The following PCNX3 variants were observed in gnomAD, a reference collection of about 807,000 sequenced individuals.
The protein encoded by PCNX3 is pecanex-like protein 3.
A neutral mutation model predicts 207.2 loss-of-function variants in PCNX3; 58 were observed. The ratio of observed to expected loss-of-function variants is 0.28; its 90% CI spans 0.23 to 0.35. The LOEUF is 0.35. PCNX3 is among the 10% of genes least tolerant of loss of function. PCNX3 has a pLI of 1.00. For synonymous variants in PCNX3, 1,337 were observed against 1,183.5 expected (o/e 1.13, Z -2.66); for missense variants, 2,410 against 2,774.4 (o/e 0.87, Z 2.95).
chr11:65,625,553 G>A lies in PCNX3; in HGVS notation c.3135+43G>A, dbSNP rs747814312. 6.8e-5 allele frequency: 107 copies of A among 1,570,058 alleles called. No homozygotes were observed. Among genetic ancestry groups the A allele is most frequent in the South Asian group, 1.9e-4 (17 of 87,644 alleles). On this transcript the variant is annotated intron_variant, in intron 18 of 34. Coordinates refer to ENST00000355703, the MANE Select transcript of PCNX3 (RefSeq NM_032223.4). This position sits in a 1 kb window ranked among gnomAD's most constrained non-coding sequence, Gnocchi z 5.6. ...GGGGGTCTGTGGGGAGGTGGTGACA[G>A]GTCCTGGGGTTCCTGGGAGGGGCAT...
chr11:65,628,834 T>C lies in PCNX3; in HGVS notation c.3827T>C (p.Phe1276Ser). The change falls in exon 24 of 35, where the codon TTC becomes TCC. Residue 1276 changes from phenylalanine (F) to serine (S), a missense_variant. Around this residue, in one of 8 missense-constraint regions of PCNX3, gnomAD observed 420 missense variants for 705.3 expected, o/e 0.60. Coordinates refer to ENST00000355703, the MANE Select transcript of PCNX3 (RefSeq NM_032223.4). ...TGTGGCTCAGACTCGGCCATGCTGT[T>C]CGTCCAGGCCCTGCTCTCGGGGCTC... The part of the protein sequence containing the change: ...PFAVPHSAML[F>S]VQALLSGLFS... 6.2e-7 allele frequency: 1 copy of C among 1,611,912 alleles called. No homozygotes were observed. Among genetic ancestry groups the C allele is most frequent in the Non-Finnish European group, 8.5e-7 (1 of 1,179,778 alleles).
Position 65,625,414 on chromosome 11 carries a change from C to G in PCNX3, c.3039C>G (p.Ile1013Met). The part of the protein sequence containing the change: ...SSDPTVLWSL[I>M]RSKLFPELEE... ...TCTTCCTCACCCCCAGGTCTCTGATCCGGAGCAAGCTGTTCCCTGAGCTGG... is the reference window on the plus strand; with the variant it reads ...TCTTCCTCACCCCCAGGTCTCTGATGCGGAGCAAGCTGTTCCCTGAGCTGG... Residue 1013 changes from isoleucine (I) to methionine (M), a missense_variant, in exon 18 of 35, where the codon ATC (isoleucine) becomes ATG (methionine). Coordinates refer to ENST00000355703, the MANE Select transcript of PCNX3 (RefSeq NM_032223.4). The surrounding 1 kb of genome is among the most constrained non-coding windows in gnomAD (Gnocchi z 5.6). 6.2e-7 allele frequency: 1 copy of G among 1,604,130 alleles called. No homozygotes were observed. The highest frequency in any genetic ancestry group is 8.5e-7 in the Non-Finnish European group (1 of 1,178,610).
At position 65,617,027 on chromosome 11, in the gene PCNX3, G is replaced by A. The variant is rs748986955; in HGVS notation, c.341+16G>A. ...ATCCACCCAGGTGGGTGGGGTAGGG[G>A]CTGTGCTGGGGATTGAGGGTTTTTG... On this transcript the variant is annotated intron_variant, in intron 2 of 34. Transcript: ENST00000355703. 9 of 1,590,336 alleles carry A rather than the reference G, an allele frequency of 5.7e-6. No homozygotes were observed. The East Asian group carries it at 1.8e-4, about 32-fold the overall frequency.
chr11:65,634,038 C>T, intron 27 of PCNX3, 88 bp from the exon 28 acceptor site: 1 of 1,251,942 alleles, frequency 8.0e-7, no homozygotes, highest in South Asian at 1.4e-5. Context: ...TCAGCTCAGT[C>T]TTGGGGAGGA....
In PCNX3 at chr11:65,636,433, C is replaced by G. The variant is rs747072761; in HGVS notation, c.5636C>G (p.Pro1879Arg). The G allele has an allele frequency of 1.3e-6, 2 of 1,554,782 alleles. No homozygotes were observed. The highest frequency in any genetic ancestry group is 4.5e-5 in the East Asian group (2 of 44,386). The change falls in exon 34 of 35, where the codon CCG becomes CGG. Residue 1879 changes from proline (P) to arginine (R), a missense_variant. Transcript: ENST00000355703. ...CTCCCACCAGGCCCTGGCTGGGGGC[C>G]GCGGTCCTCCCTGAGTGGCTCTGGT... ...QPLPPGPGWG[P>R]RSSLSGSGDG...
At chr11:65,628,168 G>A (rs1457939730) in intron 22 of PCNX3, among the ~76,000 whole-genome samples, 1 of 152,112 alleles carries the variant, frequency 6.6e-6, no homozygotes, top group Non-Finnish European at 1.5e-5. Flanking sequence ...CCAGGATGGC[G>A]GTCATCCACA....
chr11:65,624,778 C>A, intron 15 of PCNX3, 147 bp from the exon 16 acceptor site: 1 of 957,808 alleles, frequency 1.0e-6, no homozygotes, highest in Non-Finnish European at 1.5e-6. Context: ...CTCTAAAGGC[C>A]GCTTGGGGCT....
In PCNX3 at chr11:65,619,075, C is replaced by T. The variant is rs1476621466; in HGVS notation, c.1705+8C>T. Reference sequence around the variant, plus strand: ...AAGGTGCTGTGGGGGGAGGTGAGTGCTTGCTCTAGAGGCAGGGGCTGGGGG... The same window carrying T: ...AAGGTGCTGTGGGGGGAGGTGAGTGTTTGCTCTAGAGGCAGGGGCTGGGGG... On this transcript the variant is annotated splice_region_variant and intron_variant, in intron 6 of 34. Coordinates refer to ENST00000355703, the MANE Select transcript of PCNX3 (RefSeq NM_032223.4). 5 of 1,579,132 alleles carry T rather than the reference C, an allele frequency of 3.2e-6. No homozygotes were observed. The African/African-American group carries it at 6.7e-5, about 21-fold the overall frequency.
In PCNX3 at chr11:65,618,441, G is replaced by A. The variant is rs769723710; in HGVS notation, c.1079G>A (p.Arg360His). ...GGGGTCCCCTCAGATGACACGCTGC[G>A]TTCCTTTGACACGGTCATTGGAGCA... ...DAGVPSDDTL[R>H]SFDTVIGAGT... Residue 360 changes from arginine to histidine, a missense_variant, in exon 6 of 35, where the codon CGT (arginine) becomes CAT (histidine). Arg to His is a conservative substitution (Grantham distance 29). This residue lies in a region of PCNX3 where 1,104 missense variants were observed against 970.3 expected (regional missense o/e 1.14). Transcript: ENST00000355703. 20 of 1,611,196 alleles carry A rather than the reference G, an allele frequency of 1.2e-5. No individual in the cohort carries two copies. The African/African-American group carries it at 1.6e-4, about 13-fold the overall frequency.
Position 65,634,922 on chromosome 11 carries a change from C to T in PCNX3, c.4806-51C>T. On this transcript the variant is annotated intron_variant, in intron 29 of 34. Coordinates refer to ENST00000355703, the MANE Select transcript of PCNX3 (RefSeq NM_032223.4). ...GCTTGGATCACTCTGAAGCCTTACCCCTGGGTCCTCGACACCCCTCTCTCC... is the reference window on the plus strand; with the variant it reads ...GCTTGGATCACTCTGAAGCCTTACCTCTGGGTCCTCGACACCCCTCTCTCC... The T allele has an allele frequency of 1.3e-6, 2 of 1,579,978 alleles. 1 individual carries two copies. The highest frequency in any genetic ancestry group is 4.5e-5 in the East Asian group (2 of 44,514).
Position 65,636,856 on chromosome 11 carries a change from C to G in PCNX3, c.5983C>G (p.Pro1995Ala), listed in dbSNP as rs867602607. 1.3e-6 allele frequency: 2 copies of G among 1,551,366 alleles called. No homozygotes were observed. The highest frequency in any genetic ancestry group is 4.9e-5 in the East Asian group (2 of 40,938). Residue 1995 changes from proline (P) to alanine (A), a missense_variant, in exon 35 of 35, where the codon CCT becomes GCT. By Grantham distance (27) the Pro-to-Ala change is conservative. Coordinates refer to ENST00000355703, the MANE Select transcript of PCNX3 (RefSeq NM_032223.4). The stretch of plus-strand genomic sequence containing the variant: ...ACCCCCCAGAGCTTCCCAGGACATT[C>G]CTTGCTTGGACAGCAGTGCCCCTGA... ...ASPPRASQDI[P>A]CLDSSAPESG...
In PCNX3 at chr11:65,629,350, T is replaced by C. The variant is rs773240103; in HGVS notation, c.3942-7T>C. On this transcript the variant is annotated splice_polypyrimidine_tract_variant and splice_region_variant and intron_variant, in intron 24 of 34. Coordinates refer to ENST00000355703, the MANE Select transcript of PCNX3 (RefSeq NM_032223.4). ...GCCAACCGCCTTGTTGCACTCTCTC[T>C]GAACAGCACTAAACGTGTGGATCAT... 1 of 1,609,416 alleles carries C rather than the reference T, an allele frequency of 6.2e-7. No individual in the cohort carries two copies. Among genetic ancestry groups the C allele is most frequent in the South Asian group, 1.1e-5 (1 of 90,048 alleles).
chr11:65,629,946 A>C (rs934775167), intron 26 of PCNX3, among the ~76,000 whole-genome samples: 1 of 152,170 alleles, frequency 6.6e-6, no homozygotes, highest in East Asian at 1.9e-4. Context: ...GCCTGCCCCA[A>C]CTTTAGGTCC....
chr11:65,636,200 G>A lies in PCNX3; in HGVS notation c.5486G>A (p.Cys1829Tyr), dbSNP rs775795671. The change falls in exon 33 of 35, where the codon TGC (cysteine) becomes TAC (tyrosine). Residue 1829 changes from cysteine to tyrosine, a missense_variant. By Grantham distance (194) the Cys-to-Tyr change is radical (BLOSUM62 -2). Transcript: ENST00000355703. The part of the protein sequence containing the change: ...ERLHKGCGAG[C>Y]NSGGNVDDSD... Reference sequence around the variant, plus strand: ...CTTCACAAGGGCTGTGGCGCCGGCTGCAATAGTGGCGGGAACGTGGATGAT... The same window carrying A: ...CTTCACAAGGGCTGTGGCGCCGGCTACAATAGTGGCGGGAACGTGGATGAT... 6.2e-7 allele frequency: 1 copy of A among 1,602,562 alleles called. No individual in the cohort carries two copies. Among genetic ancestry groups the A allele is most frequent in the South Asian group, 1.1e-5 (1 of 89,314 alleles).
chr11:65,628,534 TC>T, intron 22 of PCNX3, 60 bp from the exon 23 acceptor site: 2 of 1,510,650 alleles, frequency 1.3e-6, no homozygotes, highest in East Asian at 2.3e-5. Flanking sequence ...GGGCCTGGCA[TC>T]CGGGGGCTTC....
Position 65,625,577 on chromosome 11 carries a change from A to ATGT in PCNX3, c.3135+68_3135+70dup. On this transcript the variant is annotated intron_variant, in intron 18 of 34. Coordinates refer to ENST00000355703, the MANE Select transcript of PCNX3 (RefSeq NM_032223.4). The surrounding 1 kb of genome is among the most constrained non-coding windows in gnomAD (Gnocchi z 5.6). ...AGGTCCTGGGGTTCCTGGGAGGGGCATGTCCAGCTTGGGCTGCTGGGCAGC... is the reference window on the plus strand; with the variant it reads ...AGGTCCTGGGGTTCCTGGGAGGGGCATGTTGTCCAGCTTGGGCTGCTGGGCAGC... 1 of 1,582,052 alleles carries ATGT rather than the reference A, an allele frequency of 6.3e-7. No homozygotes were observed.
Position 65,625,419 on chromosome 11 carries a change from GC to G in PCNX3, c.3045del (p.Ser1015ArgfsTer40). 1 of 1,605,020 alleles carries G rather than the reference GC, an allele frequency of 6.2e-7. No individual in the cohort carries two copies. ...DPTVLWSLIR[S>X]KLFPELEERS... ...CTCACCCCCAGGTCTCTGATCCGGAGCAAGCTGTTCCCTGAGCTGGAGGAGC... is the reference window on the plus strand; with the variant it reads ...CTCACCCCCAGGTCTCTGATCCGGAGAAGCTGTTCCCTGAGCTGGAGGAGC... On this transcript the variant is annotated frameshift_variant, in exon 18 of 35. Coordinates refer to ENST00000355703, the MANE Select transcript of PCNX3 (RefSeq NM_032223.4). LOFTEE classifies it high-confidence loss of function. This position sits in a 1 kb window ranked among gnomAD's most constrained non-coding sequence, Gnocchi z 5.6.
At position 65,619,525 on chromosome 11, in the gene PCNX3, C is replaced by G. The variant is rs1854959406; in HGVS notation, c.1706-12C>G. 1.2e-6 allele frequency: 2 copies of G among 1,611,010 alleles called. No individual in the cohort carries two copies. The highest frequency in any genetic ancestry group is 8.5e-7 in the Non-Finnish European group (1 of 1,179,466). On this transcript the variant is annotated splice_polypyrimidine_tract_variant and intron_variant, in intron 6 of 34. Coordinates refer to ENST00000355703, the MANE Select transcript of PCNX3 (RefSeq NM_032223.4). Reference sequence around the variant, plus strand: ...ATCTGTCACTTACACTTGGGGGCCTCTCTCTGGGCAGCGGCCGAGGAGACT... The same window carrying G: ...ATCTGTCACTTACACTTGGGGGCCTGTCTCTGGGCAGCGGCCGAGGAGACT...
At chr11:65,622,571 T>C (rs1379747556) in intron 11 of PCNX3, among the ~76,000 whole-genome samples, 3 of 152,146 alleles carry the variant, frequency 2.0e-5, no homozygotes, top group Non-Finnish European at 4.4e-5. Flanking sequence ...GGTGCTGTAT[T>C]AAATCTGTTT....
Sources: gnomAD v4.1 joint callset for allele counts (sites outside exome capture counted in the v4.1 genomes callset) on GRCh38, gnomAD v4.1.1 for gene constraint, gnomAD v4.1.1 regional missense constraint, Gnocchi (gnomAD v3.1) non-coding constraint, MANE v1.5 for transcripts, NCBI Gene and HGNC (gene_info 2026-07-23, HGNC 2026-07-21) for gene names.